The following NFAT5 variants were observed in gnomAD, a reference collection of about 807,000 sequenced individuals.
NFAT5 encodes nuclear factor of activated T cells 5.
In NFAT5, 31 loss-of-function variants were observed where a neutral mutation model predicts 166.5. That is an observed-to-expected ratio of 0.19 (90% CI 0.14 to 0.25). The LOEUF is 0.25. Among genes scored for constraint, NFAT5 ranks in the 10% least tolerant of loss-of-function variants. The probability of loss-of-function intolerance (pLI) is 1.00; values close to 1 mark genes in which losing one functional copy is unlikely to be tolerated. For synonymous variants in NFAT5, 612 were observed against 639.7 expected, an observed-to-expected ratio of 0.96 and a Z score of 0.65; for missense variants, 1,449 against 1,821.8, an observed-to-expected ratio of 0.80 and a Z score of 3.72.
chr16:69,696,325 C>T (rs1006986402), intron 14 of NFAT5, 35 bp from the exon 15 acceptor site: 1 of 152,268 alleles, frequency 6.6e-6, no homozygotes, highest in Non-Finnish European at 1.5e-5. Flanking sequence ...GCTTCCCTCC[C>T]TAGTAAGTTA....
At chr16:69,679,612 C>CAATA (rs983449420) in intron 10 of NFAT5, among the ~76,000 whole-genome samples, 49 of 151,810 alleles carry the variant, frequency 3.2e-4, no homozygotes, top group African/African-American at 9.4e-4. Context: ...GAGACTTTGT[C>CAATA]AATAAATAAA....
At chr16:69,691,207 G>T in intron 12 of NFAT5, 119 bp downstream of exon 12, 1 of 936,028 alleles carries the variant, frequency 1.1e-6, no homozygotes, top group Non-Finnish European at 1.5e-6. Context: ...CTGTAAAGAG[G>T]GAATGCTTTA....
chr16:69,676,809 T>C (rs1257214047), intron 9 of NFAT5: 1 of 164,398 alleles, frequency 6.1e-6, no homozygotes, highest in African/African-American at 2.4e-5. Flanking sequence ...TGATAATGGG[T>C]TAGGAACTCA....
chr16:69,653,250 A>G lies in NFAT5; in HGVS notation c.827A>G (p.Gln276Arg). ...TGATTTCTCAGAACATTGGAAAACC[A>G]AAAAGGAACTGGAGTAAAGAAGAGC... ...SKAGNGTLEN[Q>R]KGTGVKKSPM... The change falls in exon 5 of 15, where the codon CAA becomes CGA. Residue 276 changes from glutamine to arginine, a missense_variant. By Grantham distance (43) the Gln-to-Arg change is conservative. This residue lies in a region of NFAT5 where 115 missense variants were observed against 177.1 expected (regional missense o/e 0.65). Transcript: ENST00000349945. The G allele has an allele frequency of 1.9e-6, 3 of 1,574,250 alleles. No individual in the cohort carries two copies. Among genetic ancestry groups the G allele is most frequent in the Non-Finnish European group, 2.6e-6 (3 of 1,167,918 alleles).
At chr16:69,634,048 C>A (rs757189899) in intron 3 of NFAT5, among the ~76,000 whole-genome samples, 1 of 151,662 alleles carries the variant, frequency 6.6e-6, no homozygotes, top group Non-Finnish European at 1.5e-5. Context: ...GGGGCCGAGG[C>A]GGGCAGATCA....
intron 3 of NFAT5, among the ~76,000 whole-genome samples, chr16:69,644,560 A>C (rs1450877037): frequency 6.6e-6 from 1 of 152,142 alleles, no homozygotes; most frequent in Non-Finnish European, 1.5e-5. Context: ...TTTATGTAGG[A>C]TATGATATCA....
intron 2 of NFAT5, among the ~76,000 whole-genome samples, chr16:69,587,023 G>A (rs1295583287): frequency 1.3e-5 from 2 of 152,086 alleles, no homozygotes; most frequent in Non-Finnish European, 2.9e-5. Flanking sequence ...TCATCAAAAG[G>A]CCTGGTTAAA....
intron 3 of NFAT5, among the ~76,000 whole-genome samples, chr16:69,636,345 G>T (rs966504428): frequency 6.6e-6 from 1 of 152,302 alleles, no homozygotes; most frequent in Middle Eastern, 3.4e-3. Flanking sequence ...GATGCAGGTT[G>T]TCAGTGGATC....
chr16:69,635,697 C>G (rs1263571504), intron 3 of NFAT5, among the ~76,000 whole-genome samples: 1 of 152,122 alleles, frequency 6.6e-6, no homozygotes, highest in Non-Finnish European at 1.5e-5. Flanking sequence ...AAGCAGAAAC[C>G]CCTGATAAAC....
chr16:69,621,507 A>G (rs1000461698), intron 2 of NFAT5, among the ~76,000 whole-genome samples: 1 of 151,950 alleles, frequency 6.6e-6, no homozygotes, highest in African/African-American at 2.4e-5. Context: ...CTGCCTTTCC[A>G]TTAGGGATTT....
At position 69,693,537 on chromosome 16, in the gene NFAT5, C is replaced by G; in HGVS notation, c.3712C>G (p.Pro1238Ala). The G allele has an allele frequency of 6.2e-7, 1 of 1,614,200 alleles. No individual in the cohort carries two copies. Among genetic ancestry groups the G allele is most frequent in the Admixed American group, 1.7e-5 (1 of 60,026 alleles). ...TCAGGTGGCCCTGGGCTCCCTTCCA[C>G]CTAATCCAATGCCTCAAAGCCAACA... is the stretch of plus-strand genomic sequence containing the variant. Reference protein sequence around the residue: ...QPQVALGSLPPNPMPQSQQGT... With the variant: ...QPQVALGSLPANPMPQSQQGT... Residue 1238 changes from proline (P) to alanine (A), a missense_variant, in exon 13 of 15, where the codon CCT becomes GCT. Physicochemically the swap from Pro to Ala is conservative, Grantham distance 27. Coordinates refer to ENST00000349945, the MANE Select transcript of NFAT5 (RefSeq NM_138713.4).
At chr16:69,575,138 A>C (rs72801312) in intron 2 of NFAT5, among the ~76,000 whole-genome samples, 13 of 152,160 alleles carry the variant, frequency 8.5e-5, no homozygotes, top group Non-Finnish European at 1.8e-4. Context: ...AAAAGTTTCT[A>C]ATAGTGAGCT....
chr16:69,641,026 T>C (rs2151609202), intron 3 of NFAT5, among the ~76,000 whole-genome samples: 1 of 150,574 alleles, frequency 6.6e-6, no homozygotes, highest in African/African-American at 2.4e-5. Flanking sequence ...ACACCTGTAA[T>C]CCCAGCACTT....
intron 2 of NFAT5, among the ~76,000 whole-genome samples, chr16:69,585,855 T>C (rs1458067905): frequency 2.6e-5 from 4 of 151,920 alleles, no homozygotes; most frequent in Non-Finnish European, 4.4e-5. Context: ...GAGCTGGGGG[T>C]TGGGGAGGAA....
At chr16:69,583,110 T>C (rs2142936581) in intron 2 of NFAT5, among the ~76,000 whole-genome samples, 1 of 151,938 alleles carries the variant, frequency 6.6e-6, no homozygotes, top group Admixed American at 6.5e-5. Flanking sequence ...TTAATAAAAT[T>C]ATGGAAATAA....
At chr16:69,630,133 C>T (rs1169440974) in intron 3 of NFAT5, among the ~76,000 whole-genome samples, 1 of 151,926 alleles carries the variant, frequency 6.6e-6, no homozygotes, top group East Asian at 1.9e-4. Context: ...GACGGGGTTT[C>T]ATTGTGTTGG....
intron 3 of NFAT5, among the ~76,000 whole-genome samples, chr16:69,626,901 A>G (rs2034483073): frequency 6.6e-6 from 1 of 152,112 alleles, no homozygotes. Context: ...CCAAGGGAAA[A>G]TATTTTATAT....
At chr16:69,587,362 C>CTGTAAAAA (rs148437125) in intron 2 of NFAT5, among the ~76,000 whole-genome samples, 26,716 of 150,846 alleles carry the variant, frequency 0.18, 3,084 homozygotes, top group African/African-American at 0.29. Context: ...AGGTGTGAGC[C>CTGTAAAAA]ACCATGCCCG....
intron 10 of NFAT5, among the ~76,000 whole-genome samples, chr16:69,682,198 T>C (rs919164271): frequency 1.3e-4 from 20 of 152,180 alleles, no homozygotes; most frequent in African/African-American, 4.6e-4. Context: ...TTTTTTTTTT[T>C]TTTTACTTCA....
Sources: gnomAD v4.1 joint callset for allele counts (sites outside exome capture counted in the v4.1 genomes callset) on GRCh38, gnomAD v4.1.1 for gene constraint, gnomAD v4.1.1 regional missense constraint, MANE v1.5 for transcripts, NCBI Gene and HGNC (gene_info 2026-07-23, HGNC 2026-07-21) for gene names.